DPP8: variants seen among roughly 807,000 people sequenced by gnomAD.
DPP8 encodes DPP VIII.
A neutral mutation model predicts 107.5 loss-of-function variants in DPP8; 31 were observed. The ratio of observed to expected loss-of-function variants is 0.29; its 90% CI spans 0.22 to 0.39. DPP8 has a LOEUF of 0.39. DPP8 is among the 10% of genes least tolerant of loss of function. DPP8 has a pLI of 1.00. For missense variants in DPP8, 842 were observed against 1,076.1 expected (o/e 0.78, Z 3.04); for synonymous variants, 381 against 356.6 (o/e 1.07, Z -0.77).
rs973120034 is a variant in DPP8 at position 65,459,938 on chromosome 15, C to A, written c.1972-3567G>T. The stretch of plus-strand genomic sequence containing the variant: ...CCACTGCGCCCCAGCCTAGGCAACA[C>A]AGCGAGACTCCATCTCAAAAAAAAA... On this transcript the variant is annotated intron_variant, in intron 15 of 19. Coordinates refer to ENST00000300141, the MANE Select transcript of DPP8 (RefSeq NM_130434.5). 5.3e-5 allele frequency among the ~76,000 whole-genome samples: 8 copies of A among 151,116 alleles called. No homozygotes were observed. In the South Asian group the frequency reaches 1.7e-3, roughly 31 times the overall value.
At chr15:65,473,106 C>T (rs1157809969) in intron 12 of DPP8, among the ~76,000 whole-genome samples, 1 of 151,382 alleles carries the variant, frequency 6.6e-6, no homozygotes, top group East Asian at 1.9e-4. Context: ...GTGGGAGGAT[C>T]CTTCAAGCCT....
chr15:65,478,896 A>G lies in DPP8; in HGVS notation c.1440T>C (p.Gly480=). The change falls in exon 11 of 20, where the codon GGT becomes GGC. Residue 480 remains glycine (G), a synonymous_variant. Transcript: ENST00000300141. ...ATTTCTTACTTGGAGCAGGCAGCCC[A>G]CCACTGGATCGTTTATATTTGCTTT... ...LKESKYKRSS[G]GLPAPSDFKC... is the part of the protein sequence containing the mutation. 6.4e-7 allele frequency: 1 copy of G among 1,572,322 alleles called. No individual in the cohort carries two copies.
At chr15:65,498,348 G>A (rs2068814753) in intron 4 of DPP8, among the ~76,000 whole-genome samples, 1 of 152,028 alleles carries the variant, frequency 6.6e-6, no homozygotes, top group Non-Finnish European at 1.5e-5. Flanking sequence ...CTTGAACCTG[G>A]GAGGTGGATG....
At chr15:65,503,385 C>T (rs552021789) in intron 3 of DPP8, among the ~76,000 whole-genome samples, 5 of 152,180 alleles carry the variant, frequency 3.3e-5, no homozygotes, top group South Asian at 4.2e-4. Flanking sequence ...GGATTACAGG[C>T]GTGAGCCACC....
At chr15:65,508,533 G>A (rs1279019223) in intron 2 of DPP8, among the ~76,000 whole-genome samples, 3 of 152,044 alleles carry the variant, frequency 2.0e-5, no homozygotes, top group Non-Finnish European at 2.9e-5. Flanking sequence ...GAAAACATAA[G>A]GTAAAACAAA....
chr15:65,477,183 G>A (rs928790231), intron 11 of DPP8, among the ~76,000 whole-genome samples: 2 of 152,128 alleles, frequency 1.3e-5, no homozygotes, highest in Non-Finnish European at 2.9e-5. Flanking sequence ...CATTTTGGGA[G>A]GCCAAGGCTG....
At chr15:65,459,599 A>G (rs2064739588) in intron 15 of DPP8, 1 of 152,232 alleles carries the variant, frequency 6.6e-6, no homozygotes, top group Admixed American at 6.5e-5. Context: ...AGCCTTTCAA[A>G]TATGACTGTT....
intron 12 of DPP8, among the ~76,000 whole-genome samples, chr15:65,472,459 A>G (rs1307643050): frequency 1.3e-5 from 2 of 151,924 alleles, no homozygotes; most frequent in Non-Finnish European, 2.9e-5. Flanking sequence ...ATGCCCAGCT[A>G]ATTTTTTTAT....
At chr15:65,447,101 T>A (rs1335377196) in intron 19 of DPP8, 95 bp from the exon 20 acceptor site, 1 of 941,380 alleles carries the variant, frequency 1.1e-6, no homozygotes, top group African/African-American at 1.7e-5. Flanking sequence ...ACAGGATTAA[T>A]AATACGAAGC....
At chr15:65,447,414 A>G (rs1445587475) in intron 19 of DPP8, among the ~76,000 whole-genome samples, 2 of 152,234 alleles carry the variant, frequency 1.3e-5, no homozygotes, top group Non-Finnish European at 2.9e-5. Context: ...TCAAGGCACT[A>G]TCATTAAACT....
intron 12 of DPP8, among the ~76,000 whole-genome samples, chr15:65,472,588 T>C (rs940472920): frequency 2.6e-5 from 4 of 152,174 alleles, no homozygotes; most frequent in African/African-American, 7.2e-5. Context: ...TGTGAGCCAC[T>C]GTGCCCAGCC....
At chr15:65,473,301 G>C (rs1233227017) in intron 12 of DPP8, among the ~76,000 whole-genome samples, 1 of 150,144 alleles carries the variant, frequency 6.7e-6, no homozygotes, top group African/African-American at 2.5e-5. Context: ...CTCCAACCTG[G>C]GCGACAGAGT....
At chr15:65,469,856 T>C (rs1363687810) in intron 12 of DPP8, among the ~76,000 whole-genome samples, 2 of 150,746 alleles carry the variant, frequency 1.3e-5, no homozygotes, top group Non-Finnish European at 3.0e-5. Flanking sequence ...AAGAAGCTCA[T>C]AGGCTTAAAA....
chr15:65,481,974 AT>A, intron 8 of DPP8, among the ~76,000 whole-genome samples: 1 of 151,704 alleles, frequency 6.6e-6, no homozygotes, highest in Non-Finnish European at 1.5e-5. Flanking sequence ...AGAAATATAT[AT>A]ATATATATAC....
intron 12 of DPP8, among the ~76,000 whole-genome samples, chr15:65,470,848 G>A (rs1439239137): frequency 6.6e-6 from 1 of 151,174 alleles, no homozygotes; most frequent in African/African-American, 2.5e-5. Flanking sequence ...GAACCCAGGA[G>A]GCGGAAGTTG....
chr15:65,486,352 A>G (rs2067437378), intron 7 of DPP8, among the ~76,000 whole-genome samples: 2 of 151,842 alleles, frequency 1.3e-5, no homozygotes, highest in South Asian at 4.2e-4. Flanking sequence ...TAGTGAGCTG[A>G]GATTGTGCCA....
intron 1 of DPP8, among the ~76,000 whole-genome samples, chr15:65,514,380 A>G (rs2071179360): frequency 6.6e-6 from 1 of 152,202 alleles, no homozygotes; most frequent in Non-Finnish European, 1.5e-5. Flanking sequence ...CAGCACACTG[A>G]TATTTACTGA....
At chr15:65,497,587 A>G (rs1181824860) in intron 5 of DPP8, among the ~76,000 whole-genome samples, 2 of 152,186 alleles carry the variant, frequency 1.3e-5, no homozygotes, top group Non-Finnish European at 2.9e-5. Context: ...AGTTTTGGGA[A>G]AATTCTGGCA....
intron 4 of DPP8, among the ~76,000 whole-genome samples, chr15:65,499,253 T>C (rs922984372): frequency 6.6e-5 from 10 of 151,924 alleles, no homozygotes; most frequent in African/African-American, 2.2e-4. Flanking sequence ...CTCTCTCTCT[T>C]AGTCTCACTC....
Sources: gnomAD v4.1 joint callset for allele counts (sites outside exome capture counted in the v4.1 genomes callset) on GRCh38, gnomAD v4.1.1 for gene constraint, MANE v1.5 for transcripts, NCBI Gene and HGNC (gene_info 2026-07-23, HGNC 2026-07-21) for gene names.